The following LHCGR variants were observed in gnomAD, a reference collection of about 807,000 sequenced individuals.
The protein encoded by LHCGR is lutropin-choriogonadotropic hormone receptor.
Under a neutral mutation model 60.7 loss-of-function variants are expected in LHCGR, and 55 were observed. That is an observed-to-expected ratio of 0.91 (90% CI 0.73 to 1.13). LHCGR has a LOEUF of 1.13. LHCGR is among the 50% of genes most tolerant of loss of function. The pLI, the probability that LHCGR is intolerant of heterozygous loss-of-function variation, is 0.00. For synonymous variants in LHCGR, 337 were observed against 316.5 expected (o/e 1.06, Z -0.69); for missense variants, 862 against 836.0 (o/e 1.03, Z -0.38).
rs186666871 is a variant in LHCGR, at chr2:48,725,499, C to A, written c.383+177G>T. On this transcript the variant is annotated intron_variant, in intron 4 of 10. Transcript: ENST00000294954. ...ACCACTTACATGTATGTAAAAGCAC[C>A]CAGCTCGGTGGCTGACAAGAAATGA... 4.6e-5 allele frequency among the ~76,000 whole-genome samples: 7 copies of A among 152,228 alleles called. No individual in the cohort carries two copies. In the East Asian group the frequency reaches 1.4e-3, roughly 29 times the overall value.
intron 2 of LHCGR, among the ~76,000 whole-genome samples, chr2:48,729,658 C>T (rs1011721719): frequency 1.3e-5 from 2 of 152,156 alleles, no homozygotes; most frequent in African/African-American, 2.4e-5. Context: ...CCAATTCTGT[C>T]ACTCTAGTGA....
Position 48,723,539 on chromosome 2 carries a change from G to T in LHCGR, c.459-6C>A. On this transcript the variant is annotated splice_polypyrimidine_tract_variant and splice_region_variant and intron_variant, in intron 5 of 10. Coordinates refer to ENST00000294954, the MANE Select transcript of LHCGR (RefSeq NM_000233.4). ...GTAAGTTATCACAAATTTCCCTTGA[G>T]GAAAGAAATGAGAAATATTTACTTT... The T allele has an allele frequency of 6.2e-7, 1 of 1,611,318 alleles. No individual in the cohort carries two copies. The highest frequency in any genetic ancestry group is 8.5e-7 in the Non-Finnish European group (1 of 1,177,546).
At chr2:48,738,171 C>A (rs936875741) in intron 1 of LHCGR, among the ~76,000 whole-genome samples, 5 of 152,152 alleles carry the variant, frequency 3.3e-5, no homozygotes. Flanking sequence ...AGCTTTGGAG[C>A]CTACCAGAAT....
chr2:48,731,965 A>G (rs1182360720), intron 1 of LHCGR, among the ~76,000 whole-genome samples: 1 of 152,204 alleles, frequency 6.6e-6, no homozygotes, highest in Non-Finnish European at 1.5e-5. Context: ...ATCTCATGTC[A>G]TTTGCGGGGA....
chr2:48,719,017 G>A (rs1668381431), intron 6 of LHCGR, among the ~76,000 whole-genome samples: 2 of 152,168 alleles, frequency 1.3e-5, no homozygotes, highest in South Asian at 2.1e-4. Flanking sequence ...GCATCAGAAA[G>A]AATGATAACA....
In LHCGR at chr2:48,727,252, C is replaced by T. The variant is rs950861471; in HGVS notation, c.309-1502G>A. On this transcript the variant is annotated intron_variant, in intron 3 of 10. Coordinates refer to ENST00000294954, the MANE Select transcript of LHCGR (RefSeq NM_000233.4). ...GTCGGTCTGGGCAACACAGTGAGAC[C>T]CTGTATAAAAAAAAAAAGATTAAAA... Among the ~76,000 whole-genome samples the T allele has an allele frequency of 2.0e-5, 3 of 150,268 alleles. No individual in the cohort carries two copies. The South Asian group carries it at 6.3e-4, about 32-fold the overall frequency.
At position 48,725,681 on chromosome 2, in the gene LHCGR, T is replaced by G. The variant is rs373456950; in HGVS notation, c.378A>C (p.Lys126Asn). ...PGAFINLPRL[K>N]YLSICNTGIR... ...TAAAAAGGAAAATTTCTCACAAGTA[T>G]TTTAATCGGGGAAGATTTATAAATG... Residue 126 changes from lysine (K) to asparagine (N), a missense_variant, in exon 4 of 11, where the codon AAA becomes AAC. Physicochemically the swap from Lys to Asn is moderately conservative, Grantham distance 94 (BLOSUM62 0). Transcript: ENST00000294954. The G allele has an allele frequency of 2.6e-4, 421 of 1,611,620 alleles. 2 individuals carry two copies. In the South Asian group the frequency reaches 4.4e-3, roughly 17 times the overall value.
At chr2:48,751,502 GATTAATTCATTCTGTGA>G (rs1669954058) in intron 1 of LHCGR, among the ~76,000 whole-genome samples, 1 of 152,160 alleles carries the variant, frequency 6.6e-6, no homozygotes, top group South Asian at 2.1e-4. Context: ...AGTTCATAGT[GATTAATTCATTCTGTGA>G]ATTCCTTAGA....
intron 9 of LHCGR, among the ~76,000 whole-genome samples, chr2:48,695,802 C>T (rs1483778570): frequency 6.6e-6 from 1 of 152,176 alleles, no homozygotes; most frequent in Non-Finnish European, 1.5e-5. Context: ...CCAAATACTG[C>T]ATCTTCTCAC....
chr2:48,718,526 CA>C lies in LHCGR; in HGVS notation c.537-4473del, dbSNP rs570332697. Reference sequence around the variant, plus strand: ...TTATGTTTACAGATACTCAGGGTCTCAAAAAAGTGGACCCATTGCTAAAAGG... The same window carrying C: ...TTATGTTTACAGATACTCAGGGTCTCAAAAAGTGGACCCATTGCTAAAAGG... On this transcript the variant is annotated intron_variant, in intron 6 of 10. Coordinates refer to ENST00000294954, the MANE Select transcript of LHCGR (RefSeq NM_000233.4). Among the ~76,000 whole-genome samples the C allele has an allele frequency of 1.4e-4, 21 of 152,044 alleles. 1 individual carries two copies. In the East Asian group the frequency reaches 3.9e-3, roughly 28 times the overall value.
chr2:48,692,273 A>G (rs1666886092), intron 10 of LHCGR, among the ~76,000 whole-genome samples: 1 of 152,146 alleles, frequency 6.6e-6, no homozygotes, highest in Non-Finnish European at 1.5e-5. Context: ...TATCAAAACT[A>G]CTTCAGCTGT....
intron 4 of LHCGR, among the ~76,000 whole-genome samples, chr2:48,724,567 G>A (rs1340715947): frequency 6.6e-6 from 1 of 152,206 alleles, no homozygotes. Context: ...AGCAGTGTGG[G>A]ATTAGACTGC....
At chr2:48,755,033 G>C (rs1670144199) in intron 1 of LHCGR, among the ~76,000 whole-genome samples, 1 of 152,106 alleles carries the variant, frequency 6.6e-6, no homozygotes. Context: ...GCAGTCAGTT[G>C]ACAGATTAGG....
At chr2:48,692,364 T>A (rs1666891699) in intron 10 of LHCGR, among the ~76,000 whole-genome samples, 2 of 152,244 alleles carry the variant, frequency 1.3e-5, no homozygotes, top group Non-Finnish European at 2.9e-5. Context: ...CAAACATGTT[T>A]TCTCACTTCC....
chr2:48,710,897 C>T (rs1196703978), intron 7 of LHCGR, among the ~76,000 whole-genome samples: 1 of 152,150 alleles, frequency 6.6e-6, no homozygotes, highest in Non-Finnish European at 1.5e-5. Flanking sequence ...CTGCTCCTCC[C>T]CTGCTACTTA....
At chr2:48,715,148 C>T (rs1668188217) in intron 6 of LHCGR, among the ~76,000 whole-genome samples, 1 of 152,062 alleles carries the variant, frequency 6.6e-6, no homozygotes, top group Non-Finnish European at 1.5e-5. Flanking sequence ...CCCTATACTC[C>T]TTCCCTGATT....
chr2:48,709,108 T>C (rs1395289298), intron 7 of LHCGR, 86 bp from the exon 8 acceptor site: 1 of 1,008,988 alleles, frequency 9.9e-7, no homozygotes, highest in African/African-American at 1.6e-5. Flanking sequence ...TAGACCAAGC[T>C]ATGTGCATGA....
chr2:48,729,679 T>C (rs1181249838), intron 2 of LHCGR, among the ~76,000 whole-genome samples: 2 of 152,196 alleles, frequency 1.3e-5, no homozygotes, highest in Non-Finnish European at 2.9e-5. Context: ...GGCTTTAATA[T>C]GGATTGAATT....
chr2:48,714,001 G>T lies in LHCGR; in HGVS notation c.590C>A (p.Thr197Lys). Reference protein sequence around the residue: ...EEVQSHAFNGTTLTSLELKEN... With the variant: ...EEVQSHAFNGKTLTSLELKEN... Reference sequence around the variant, plus strand: ...AAATACTTACAGTGAAGTCAGTGTCGTCCCATTGAATGCATGACTTTGTAC... The same window carrying T: ...AAATACTTACAGTGAAGTCAGTGTCTTCCCATTGAATGCATGACTTTGTAC... The change falls in exon 7 of 11, where the codon ACG becomes AAG. Residue 197 changes from threonine (T) to lysine (K), a missense_variant. Thr to Lys is a moderately conservative substitution (Grantham distance 78). Coordinates refer to ENST00000294954, the MANE Select transcript of LHCGR (RefSeq NM_000233.4). 6.2e-7 allele frequency: 1 copy of T among 1,609,650 alleles called. No homozygotes were observed. The highest frequency in any genetic ancestry group is 1.3e-5 in the African/African-American group (1 of 74,916).
Sources: gnomAD v4.1 joint callset for allele counts (sites outside exome capture counted in the v4.1 genomes callset) on GRCh38, gnomAD v4.1.1 for gene constraint, MANE v1.5 for transcripts, NCBI Gene and HGNC (gene_info 2026-07-23, HGNC 2026-07-21) for gene names.